CSMD1: variants seen among roughly 807,000 people sequenced by gnomAD.
CSMD1 encodes CUB and sushi domain-containing protein 1.
Under a neutral mutation model 417.5 loss-of-function variants are expected in CSMD1, and 213 were observed. That is an observed-to-expected ratio of 0.51 (90% CI 0.46 to 0.57). The LOEUF is 0.57. CSMD1 is among the 20% of genes least tolerant of loss of function. CSMD1 has a pLI of 0.00. For synonymous variants in CSMD1, 2,862 were observed against 1,736.8 expected (o/e 1.65, Z -16.11); for missense variants, 6,923 against 4,529.7 (o/e 1.53, Z -15.17).
chr8:3,886,194 T>G (rs1806551569), intron 5 of CSMD1, among the ~76,000 whole-genome samples: 1 of 152,022 alleles, frequency 6.6e-6, no homozygotes. Flanking sequence ...GGATTACAGG[T>G]GTCCACCACC....
At chr8:3,336,526 G>C (rs755933757) in intron 23 of CSMD1, among the ~76,000 whole-genome samples, 1 of 152,178 alleles carries the variant, frequency 6.6e-6, no homozygotes, top group African/African-American at 2.4e-5. Flanking sequence ...AATCAACACT[G>C]GGAAAAAGTG....
chr8:4,190,938 C>T (rs886680848), intron 3 of CSMD1, among the ~76,000 whole-genome samples: 6 of 145,620 alleles, frequency 4.1e-5, no homozygotes, highest in African/African-American at 1.6e-4. Flanking sequence ...ACACAAACTG[C>T]GGCTCAGTGG....
Position 4,757,530 on chromosome 8 carries a change from C to G in CSMD1, c.86-119972G>C, listed in dbSNP as rs150117766. Among the ~76,000 whole-genome samples, 544 of 152,224 alleles carry G rather than the reference C, an allele frequency of 3.6e-3. 4 individuals carry two copies. The highest frequency in any genetic ancestry group is 0.012 in the African/African-American group (488 of 41,552). Reference sequence around the variant, plus strand: ...CAAGAGGGAGAACTGGGATTTGCATCCCTACCATGTAGGTGACACAGACTA... The same window carrying G: ...CAAGAGGGAGAACTGGGATTTGCATGCCTACCATGTAGGTGACACAGACTA... On this transcript the variant is annotated intron_variant, in intron 1 of 69. Coordinates refer to ENST00000635120, the MANE Select transcript of CSMD1 (RefSeq NM_033225.6).
chr8:3,660,849 T>C (rs1297637786), intron 7 of CSMD1, among the ~76,000 whole-genome samples: 1 of 152,046 alleles, frequency 6.6e-6, no homozygotes, highest in Non-Finnish European at 1.5e-5. Context: ...GAGGATTAGA[T>C]CAGATTTGGA....
intron 2 of CSMD1, among the ~76,000 whole-genome samples, chr8:4,464,254 T>C (rs904446467): frequency 2.0e-5 from 3 of 152,148 alleles, no homozygotes; most frequent in African/African-American, 4.8e-5. Flanking sequence ...AACATCTTCC[T>C]GCAGTGATTG....
chr8:3,701,276 C>T lies in CSMD1; in HGVS notation c.1009+7138G>A, dbSNP rs373140391. Among the ~76,000 whole-genome samples the T allele has an allele frequency of 3.3e-4, 50 of 152,254 alleles. 1 individual carries two copies. In the South Asian group the frequency reaches 0.01, roughly 31 times the overall value. On this transcript the variant is annotated intron_variant, in intron 7 of 69. Coordinates refer to ENST00000635120, the MANE Select transcript of CSMD1 (RefSeq NM_033225.6). ...ATTGGATCATCTCGGGACAACTTTC[C>T]GAAGATGAATATGAGTGAGCTGGTT...
chr8:4,269,151 G>C (rs142412818), intron 3 of CSMD1, among the ~76,000 whole-genome samples: 2,043 of 152,158 alleles, frequency 0.013, 15 homozygotes, highest in Middle Eastern at 0.041. Flanking sequence ...CTGTCTCCTG[G>C]GTTTAAACCA....
chr8:3,209,322 T>C (rs547369202), intron 30 of CSMD1, among the ~76,000 whole-genome samples: 1 of 151,816 alleles, frequency 6.6e-6, no homozygotes, highest in Non-Finnish European at 1.5e-5. Flanking sequence ...TTTATTTATA[T>C]TTATTTATTT....
In CSMD1 at chr8:4,352,803, C is replaced by T. The variant is rs540772743; in HGVS notation, c.415+67150G>A. Among the ~76,000 whole-genome samples the T allele has an allele frequency of 3.5e-4, 53 of 152,276 alleles. No individual in the cohort carries two copies. In the South Asian group the frequency reaches 9.7e-3, roughly 28 times the overall value. On this transcript the variant is annotated intron_variant, in intron 3 of 69. Transcript: ENST00000635120. ...GTTGGAATGTGGACATGGCTGTTGC[C>T]GTCCATTTCAAGATGGTTCAAACGA...
chr8:4,835,768 G>A (rs1483662001), intron 1 of CSMD1, among the ~76,000 whole-genome samples: 2 of 151,666 alleles, frequency 1.3e-5, no homozygotes, highest in African/African-American at 2.4e-5. Context: ...AGGTACTGCA[G>A]CTGCAAAAGT....
At chr8:4,950,732 A>C (rs6987219) in intron 1 of CSMD1, among the ~76,000 whole-genome samples, 5 of 152,028 alleles carry the variant, frequency 3.3e-5, no homozygotes, top group African/African-American at 1.2e-4. Context: ...AATACCACGC[A>C]CTTTCAAACA....
intron 4 of CSMD1, among the ~76,000 whole-genome samples, chr8:4,005,289 A>T (rs904389923): frequency 6.6e-6 from 1 of 152,206 alleles, no homozygotes; most frequent in Admixed American, 6.5e-5. Flanking sequence ...TATAGAAAAT[A>T]AAATAAAATA....
intron 1 of CSMD1, among the ~76,000 whole-genome samples, chr8:4,726,902 GA>G (rs1416425741): frequency 6.6e-6 from 1 of 152,030 alleles, no homozygotes; most frequent in Admixed American, 6.5e-5. Flanking sequence ...ATGAAGAGCT[GA>G]AAAAATAGCT....
Position 3,773,457 on chromosome 8 carries a change from T to C in CSMD1, c.819-19415A>G, listed in dbSNP as rs184893548. On this transcript the variant is annotated intron_variant, in intron 5 of 69. Transcript: ENST00000635120. ...ATGCACCACTATGCCTGGCTAATTA[T>C]TGTATTTTTTGTAGAGATTGGGTCT... Among the ~76,000 whole-genome samples the C allele has an allele frequency of 4.6e-5, 7 of 152,154 alleles. No homozygotes were observed. In the East Asian group the frequency reaches 7.8e-4, roughly 17 times the overall value.
chr8:3,441,240 G>C (rs933380236), intron 12 of CSMD1, among the ~76,000 whole-genome samples: 13 of 151,992 alleles, frequency 8.6e-5, no homozygotes, highest in African/African-American at 2.9e-4. Flanking sequence ...CTTGATTTTG[G>C]ACTTGTGGCC....
At chr8:4,653,933 A>G (rs1439353562) in intron 1 of CSMD1, among the ~76,000 whole-genome samples, 2 of 152,050 alleles carry the variant, frequency 1.3e-5, no homozygotes, top group African/African-American at 2.4e-5. Flanking sequence ...CCAAAGTATA[A>G]TATCACAGAG....
Position 3,403,360 on chromosome 8 carries a change from A to C in CSMD1, c.2266+2667T>G, listed in dbSNP as rs924383970. ...GAAAGTTGGCTTTCTATTTGTTTTC[A>C]GCAGAGGCAGTGATCGGGGTACCCG... On this transcript the variant is annotated intron_variant, in intron 15 of 69. Coordinates refer to ENST00000635120, the MANE Select transcript of CSMD1 (RefSeq NM_033225.6). Among the ~76,000 whole-genome samples the C allele has an allele frequency of 5.3e-5, 8 of 151,990 alleles. No homozygotes were observed. In the East Asian group the frequency reaches 1.2e-3, roughly 22 times the overall value.
intron 1 of CSMD1, among the ~76,000 whole-genome samples, chr8:4,839,318 T>A (rs906168420): frequency 9.9e-5 from 15 of 152,200 alleles, no homozygotes; most frequent in African/African-American, 3.1e-4. Context: ...GGACAAGAAA[T>A]AAGATAGCAT....
rs80115781 is a variant in CSMD1, at chr8:4,020,055, G to A, written c.610+11850C>T. On this transcript the variant is annotated intron_variant, in intron 4 of 69. Coordinates refer to ENST00000635120, the MANE Select transcript of CSMD1 (RefSeq NM_033225.6). ...TCTAAAATCGTGCTTAAGAGTGGAA[G>A]GGAGAGGAGATAGAGACAGTAATTA... Among the ~76,000 whole-genome samples, 1,049 of 152,266 alleles carry A rather than the reference G, an allele frequency of 6.9e-3. 56 individuals are homozygous for A. The East Asian group carries it at 0.14, about 20-fold the overall frequency.
Sources: allele counts gnomAD v4.1 joint callset (sites outside exome capture counted in the v4.1 genomes callset), GRCh38; gene constraint gnomAD v4.1.1; transcripts MANE v1.5; gene names NCBI Gene and HGNC (gene_info 2026-07-23, HGNC 2026-07-21).